Variants in PLPPR5 observed in about 807,000 individuals in gnomAD.
The protein encoded by PLPPR5 is phospholipid phosphatase-related protein type 5.
In PLPPR5, 16 loss-of-function variants were observed where a neutral mutation model predicts 33.9. The ratio of observed to expected loss-of-function variants is 0.47; its 90% CI spans 0.32 to 0.72. The LOEUF is 0.72. Ranked by LOEUF, PLPPR5 falls within the 30% of genes least tolerant of loss-of-function variation. PLPPR5 has a pLI of 0.03. For missense variants in PLPPR5, 301 were observed against 406.7 expected, an observed-to-expected ratio of 0.74 and a Z score of 2.23; for synonymous variants, 163 against 150.3, an observed-to-expected ratio of 1.08 and a Z score of -0.62.
At chr1:98,918,278 T>A (rs1054331197) in intron 4 of PLPPR5, among the ~76,000 whole-genome samples, 2 of 152,182 alleles carry the variant, frequency 1.3e-5, no homozygotes, top group African/African-American at 4.8e-5. Context: ...GGCTTCAATT[T>A]TTTTAAACCT....
Sources: allele counts gnomAD v4.1 joint callset (sites outside exome capture counted in the v4.1 genomes callset), GRCh38; gene constraint gnomAD v4.1.1; transcripts MANE v1.5; gene names NCBI Gene and HGNC (gene_info 2026-07-23, HGNC 2026-07-21).